The following RGS7 variants were observed in gnomAD, a reference collection of about 807,000 sequenced individuals.
RGS7 encodes regulator of G protein signaling 7.
Under a neutral mutation model 81.1 loss-of-function variants are expected in RGS7, and 27 were observed. That is an observed-to-expected ratio of 0.33 (90% confidence interval 0.25 to 0.46). The LOEUF (loss-of-function observed/expected upper bound fraction) is 0.46, where lower values mean the gene tolerates loss of function less well. RGS7 is among the 20% of genes least tolerant of loss of function. The pLI is 1.00. For missense variants in RGS7, 396 were observed against 607.4 expected (o/e 0.65, Z 3.66); for synonymous variants, 208 against 207.7 (o/e 1.00, Z -0.01).
chr1:240,931,774 T>C (rs547519633), intron 5 of RGS7, among the ~76,000 whole-genome samples: 4 of 152,328 alleles, frequency 2.6e-5, no homozygotes, highest in East Asian at 3.9e-4. Flanking sequence ...AGAAACTGAC[T>C]GACTAAACTA....
intron 10 of RGS7, among the ~76,000 whole-genome samples, chr1:240,819,743 A>C (rs1558303340): frequency 6.6e-6 from 1 of 152,232 alleles, no homozygotes. Flanking sequence ...TCTCCACAAA[A>C]AAAACAAAAC....
Position 241,329,920 on chromosome 1 carries a change from GT to G in RGS7, c.78+25778del, listed in dbSNP as rs564609792. Among the ~76,000 whole-genome samples the G allele has an allele frequency of 2.7e-3, 398 of 147,686 alleles. 3 individuals are homozygous for G. The highest frequency in any genetic ancestry group is 8.5e-3 in the African/African-American group (343 of 40,386). ...AAAAACTTGATGGCAATTTTTCTTT[GT>G]TTTTTTTTTGTTTGTTTGTTTTTTG... On this transcript the variant is annotated intron_variant, in intron 2 of 18. Transcript: ENST00000440928.
At chr1:241,269,765 A>G (rs551636502) in intron 2 of RGS7, among the ~76,000 whole-genome samples, 55 of 152,352 alleles carry the variant, frequency 3.6e-4, no homozygotes, top group African/African-American at 1.2e-3. Flanking sequence ...GGTATTCTCA[A>G]TTCGATGTAT....
intron 6 of RGS7, among the ~76,000 whole-genome samples, chr1:240,911,586 C>T (rs983664802): frequency 6.6e-6 from 1 of 152,180 alleles, no homozygotes; most frequent in Non-Finnish European, 1.5e-5. Flanking sequence ...AATTGGATAG[C>T]CACTGCATAC....
chr1:241,157,882 G>T (rs1026335767), intron 2 of RGS7, among the ~76,000 whole-genome samples: 3 of 87,354 alleles, frequency 3.4e-5, no homozygotes, highest in African/African-American at 1.5e-4. Flanking sequence ...GCAGTGGTGC[G>T]ATCTGGGCTC....
intron 3 of RGS7, among the ~76,000 whole-genome samples, chr1:241,037,674 T>C (rs936690816): frequency 6.8e-6 from 1 of 146,718 alleles, no homozygotes; most frequent in Non-Finnish European, 1.5e-5. Flanking sequence ...TGAGCCGAGA[T>C]CACGCCATTG....
chr1:240,852,634 C>T (rs952972828), intron 9 of RGS7, among the ~76,000 whole-genome samples: 3 of 152,038 alleles, frequency 2.0e-5, no homozygotes, highest in African/African-American at 7.2e-5. Flanking sequence ...CATCTTTTTC[C>T]CCAACTTGAT....
chr1:241,137,464 G>T (rs2067604004), intron 2 of RGS7, among the ~76,000 whole-genome samples: 1 of 152,076 alleles, frequency 6.6e-6, no homozygotes, highest in South Asian at 2.1e-4. Flanking sequence ...ATATAAATAT[G>T]TAAGCGCTTA....
intron 18 of RGS7, among the ~76,000 whole-genome samples, chr1:240,776,866 T>C (rs934223469): frequency 6.6e-6 from 1 of 152,218 alleles, no homozygotes; most frequent in Non-Finnish European, 1.5e-5. Flanking sequence ...ACCTGACTTC[T>C]TCCAACCCTA....
At chr1:241,193,569 A>G (rs901015076) in intron 2 of RGS7, among the ~76,000 whole-genome samples, 4 of 152,376 alleles carry the variant, frequency 2.6e-5, no homozygotes, top group Admixed American at 6.5e-5. Context: ...CATATGTTCA[A>G]TAAGCATAAA....
Position 241,199,164 on chromosome 1 carries a change from A to T in RGS7, c.79-100402T>A, listed in dbSNP as rs544919417. On this transcript the variant is annotated intron_variant, in intron 2 of 18. Transcript: ENST00000440928. The stretch of plus-strand genomic sequence containing the variant: ...TAAAAGCCCTTAGCAAACAAAGAAT[A>T]AAAAAAAAAGACTTTATTGGCCGGT... 2.6e-4 allele frequency among the ~76,000 whole-genome samples: 39 copies of T among 149,002 alleles called. No individual in the cohort carries two copies. In the South Asian group the frequency reaches 5.7e-3, roughly 22 times the overall value.
intron 4 of RGS7, among the ~76,000 whole-genome samples, chr1:240,982,736 T>TTA (rs2148557178): frequency 6.6e-6 from 1 of 152,310 alleles, no homozygotes; most frequent in African/African-American, 2.4e-5. Context: ...TGTATGTGTC[T>TTA]TATAGAAGGA....
At chr1:241,251,088 A>C (rs1371204445) in intron 2 of RGS7, among the ~76,000 whole-genome samples, 1 of 152,232 alleles carries the variant, frequency 6.6e-6, no homozygotes, top group Non-Finnish European at 1.5e-5. Flanking sequence ...TTTCGCATTA[A>C]ATCGTGAACC....
intron 6 of RGS7, among the ~76,000 whole-genome samples, chr1:240,902,771 T>C (rs1359685928): frequency 1.3e-5 from 2 of 152,198 alleles, no homozygotes; most frequent in African/African-American, 4.8e-5. Flanking sequence ...CAGAACGTTA[T>C]GCAACTATTA....
intron 10 of RGS7, among the ~76,000 whole-genome samples, chr1:240,821,127 C>T (rs1691710842): frequency 6.6e-6 from 1 of 152,136 alleles, no homozygotes; most frequent in South Asian, 2.1e-4. Context: ...TTGACCACTG[C>T]CTGCCACAAG....
intron 2 of RGS7, among the ~76,000 whole-genome samples, chr1:241,104,070 C>T (rs1343298080): frequency 1.3e-5 from 2 of 152,044 alleles, no homozygotes; most frequent in African/African-American, 4.8e-5. Flanking sequence ...CTCAAAGATT[C>T]GGTTATCTCA....
intron 2 of RGS7, among the ~76,000 whole-genome samples, chr1:241,125,925 T>A (rs2066626074): frequency 6.6e-6 from 1 of 152,042 alleles, no homozygotes; most frequent in South Asian, 2.1e-4. Flanking sequence ...AATGCCCTTA[T>A]CTCCAGTGCG....
chr1:240,878,489 C>CTTTTTTTTTTTTTTTTTCTTTT (rs57896753), intron 6 of RGS7, among the ~76,000 whole-genome samples: 1 of 117,584 alleles, frequency 8.5e-6, no homozygotes. Context: ...TTTTTTCTTT[C>CTTTTTTTTTTTTTTTTTCTTTT]TTTTTTTTTT....
intron 3 of RGS7, among the ~76,000 whole-genome samples, chr1:241,035,746 C>T (rs2060292379): frequency 6.6e-6 from 1 of 152,162 alleles, no homozygotes; most frequent in South Asian, 2.1e-4. Flanking sequence ...CCATCATTAT[C>T]ATCATCATTA....
Sources: allele counts gnomAD v4.1 joint callset (sites outside exome capture counted in the v4.1 genomes callset), GRCh38; gene constraint gnomAD v4.1.1; transcripts MANE v1.5; gene names NCBI Gene and HGNC (gene_info 2026-07-23, HGNC 2026-07-21).